The following GCM2 variants were observed in gnomAD, a reference collection of about 807,000 sequenced individuals.
The protein encoded by GCM2 is chorion-specific transcription factor GCMb.
In GCM2, 21 loss-of-function variants were observed where a neutral mutation model predicts 24.8. The observed-to-expected ratio is 0.85, with a 90% CI of 0.60 to 1.22. The LOEUF is 1.22. GCM2 is among the 50% of genes most tolerant of loss of function. The probability of loss-of-function intolerance (pLI) is 0.00; values close to 1 mark genes in which losing one functional copy is unlikely to be tolerated. For synonymous variants in GCM2, 222 were observed against 238.0 expected, an observed-to-expected ratio of 0.93 and a Z score of 0.62; for missense variants, 532 against 645.6, an observed-to-expected ratio of 0.82 and a Z score of 1.91.
chr6:10,878,855 C>G (rs1779918919), intron 1 of GCM2, among the ~76,000 whole-genome samples: 1 of 152,138 alleles, frequency 6.6e-6, no homozygotes, highest in Non-Finnish European at 1.5e-5. Flanking sequence ...TGGGTAGCAG[C>G]CAGACCCAGT....
chr6:10,873,900 G>T lies in GCM2; in HGVS notation c.*95C>A. 1 of 933,178 alleles carries T rather than the reference G, an allele frequency of 1.1e-6. No homozygotes were observed. Among genetic ancestry groups the T allele is most frequent in the Non-Finnish European group, 1.7e-6 (1 of 581,028 alleles). The allele number at this position is 933,178 out of a possible 1,614,324, so 57.8% of individuals were successfully genotyped here. On this transcript the variant is annotated 3_prime_UTR_variant, in exon 5 of 5. Transcript: ENST00000379491. ...CTATCTGTGTTTCTTTGCACACAAG[G>T]TGAATCTCCCAACTCAATAAGAGAT...
intron 1 of GCM2, among the ~76,000 whole-genome samples, chr6:10,879,899 G>C (rs1779934723): frequency 6.6e-6 from 1 of 152,180 alleles, no homozygotes; most frequent in African/African-American, 2.4e-5. Context: ...AGATGCACTT[G>C]CTGTACTGTG....
chr6:10,877,454 C>A, intron 1 of GCM2, 62 bp from the exon 2 acceptor site: 1 of 1,579,156 alleles, frequency 6.3e-7, no homozygotes, highest in South Asian at 1.1e-5. Context: ...ACATCATGCT[C>A]TAAAATTTCT....
chr6:10,879,401 T>G (rs991023497), intron 1 of GCM2, among the ~76,000 whole-genome samples: 1 of 152,152 alleles, frequency 6.6e-6, no homozygotes, highest in Non-Finnish European at 1.5e-5. Flanking sequence ...ATTGTATTTT[T>G]AAAATCAGTA....
chr6:10,875,104 A>G (rs899563677), intron 4 of GCM2, among the ~76,000 whole-genome samples, 171 bp from the exon 5 acceptor site: 2 of 152,216 alleles, frequency 1.3e-5, no homozygotes, highest in South Asian at 4.1e-4. Flanking sequence ...GGGGTTGCTA[A>G]GCTTGGGCTC....
chr6:10,881,674 C>T (rs1231005288), intron 1 of GCM2, 30 bp downstream of exon 1: 1 of 1,554,090 alleles, frequency 6.4e-7, no homozygotes, highest in Non-Finnish European at 8.9e-7. Flanking sequence ...GACAGCGCCC[C>T]GCGTGCCCGC....
chr6:10,881,236 G>A (rs1249166196), intron 1 of GCM2, among the ~76,000 whole-genome samples: 2 of 152,094 alleles, frequency 1.3e-5, no homozygotes, highest in Admixed American at 6.5e-5. Context: ...TTGGCTCACC[G>A]CAACCTCTGC....
Position 10,874,012 on chromosome 6 carries a change from T to C in GCM2, c.1504A>G (p.Asn502Asp), listed in dbSNP as rs533942394. The C allele has an allele frequency of 6.2e-7, 1 of 1,613,768 alleles. No individual in the cohort carries two copies. Among genetic ancestry groups the C allele is most frequent in the East Asian group, 2.2e-5 (1 of 44,880 alleles). Reference protein sequence around the residue: ...SDRVGPFFTYNNEDF With the variant: ...SDRVGPFFTYDNEDF ...ATTGTCTTTCAAAAATCCTCATTGT[T>C]GTAGGTAAAGAAGGGACCCACTCTG... Residue 502 changes from asparagine to aspartate, a missense_variant, in exon 5 of 5, where the codon AAC becomes GAC. Asn to Asp is a conservative substitution (Grantham distance 23). Around this residue, in one of 3 missense-constraint regions of GCM2, gnomAD observed 434 missense variants for 521.9 expected, o/e 0.83. Coordinates refer to ENST00000379491, the MANE Select transcript of GCM2 (RefSeq NM_004752.4).
At position 10,875,910 on chromosome 6, in the gene GCM2, T is replaced by A. The variant is rs1561671899; in HGVS notation, c.563A>T (p.Lys188Met). The change falls in exon 4 of 5, where the codon AAG becomes ATG. Residue 188 changes from lysine (K) to methionine (M), a missense_variant. Lys to Met is a moderately conservative substitution (Grantham distance 95). Coordinates refer to ENST00000379491, the MANE Select transcript of GCM2 (RefSeq NM_004752.4). ...QMASFYQPQKKRIRESEAEEN... is the reference protein window; with the variant it reads ...QMASFYQPQKMRIRESEAEEN... ...TGTTACCTCGGATTCTCGAATTCTC[T>A]TTTTCTGGGGTTGGTAGAAAGAGGC... 1 of 1,614,052 alleles carries A rather than the reference T, an allele frequency of 6.2e-7. No homozygotes were observed. The highest frequency in any genetic ancestry group is 8.5e-7 in the Non-Finnish European group (1 of 1,179,934).
chr6:10,875,989 G>C lies in GCM2; in HGVS notation c.484C>G (p.Pro162Ala). The change falls in exon 4 of 5, where the codon CCA (proline) becomes GCA (alanine). Residue 162 changes from proline (P) to alanine (A), a missense_variant. By Grantham distance (27) the Pro-to-Ala change is conservative. Coordinates refer to ENST00000379491, the MANE Select transcript of GCM2 (RefSeq NM_004752.4). The stretch of plus-strand genomic sequence containing the variant: ...GCTTCTGTCTCTGATTTGCTCTCTG[G>C]TCTTGGATGATCATGAACTCCCTTG... ...QAKGVHDHPR[P>A]ESKSETEARR... is the part of the protein sequence containing the mutation. The C allele has an allele frequency of 1.2e-6, 2 of 1,613,798 alleles. No homozygotes were observed. The highest frequency in any genetic ancestry group is 1.7e-6 in the Non-Finnish European group (2 of 1,179,808).
chr6:10,881,676 C>T, intron 1 of GCM2, 28 bp downstream of exon 1: 1 of 1,559,214 alleles, frequency 6.4e-7, no homozygotes, highest in Non-Finnish European at 8.8e-7. Flanking sequence ...CAGCGCCCCG[C>T]GTGCCCGCAC....
intron 1 of GCM2, among the ~76,000 whole-genome samples, chr6:10,878,735 C>T (rs1251134549): frequency 1.3e-5 from 2 of 152,200 alleles, no homozygotes; most frequent in Non-Finnish European, 2.9e-5. Flanking sequence ...ATATATAATT[C>T]TCACAACATC....
chr6:10,876,597 A>T (rs931100023), intron 2 of GCM2, 40 bp from the exon 3 acceptor site: 4 of 1,330,728 alleles, frequency 3.0e-6, no homozygotes, highest in Non-Finnish European at 4.3e-6. Flanking sequence ...CCCTGACCCC[A>T]GACCCTTCTG....
In GCM2 at chr6:10,881,685, A is replaced by C; in HGVS notation, c.90+19T>G. On this transcript the variant is annotated intron_variant, in intron 1 of 4. Transcript: ENST00000379491. The stretch of plus-strand genomic sequence containing the variant: ...GATGGACAGCGCCCCGCGTGCCCGC[A>C]CACACCCGGTTCACTTACCTGAGGC... 1.3e-6 allele frequency: 2 copies of C among 1,596,504 alleles called. No homozygotes were observed. Among genetic ancestry groups the C allele is most frequent in the Non-Finnish European group, 1.7e-6 (2 of 1,166,856 alleles).
chr6:10,880,191 G>C (rs1004534227), intron 1 of GCM2, among the ~76,000 whole-genome samples: 1 of 152,126 alleles, frequency 6.6e-6, no homozygotes, highest in Non-Finnish European at 1.5e-5. Context: ...GGGGATGGAG[G>C]TTGCAGTGAG....
Position 10,874,126 on chromosome 6 carries a change from G to T in GCM2, c.1390C>A (p.Pro464Thr). 6.2e-7 allele frequency: 1 copy of T among 1,614,238 alleles called. No individual in the cohort carries two copies. Among genetic ancestry groups the T allele is most frequent in the Non-Finnish European group, 8.5e-7 (1 of 1,180,042 alleles). Residue 464 changes from proline (P) to threonine (T), a missense_variant, in exon 5 of 5, where the codon CCC (proline) becomes ACC (threonine). Pro to Thr is a conservative substitution (Grantham distance 38, BLOSUM62 -1). This residue lies in a region of GCM2 where 434 missense variants were observed against 521.9 expected (regional missense o/e 0.83). Coordinates refer to ENST00000379491, the MANE Select transcript of GCM2 (RefSeq NM_004752.4). ...GTCCTAGAGGAAACTGGCTCGTGGG[G>T]AATAGCCACAGTGGGTCTGATGGCC... ...CRAIRPTVAI[P>T]HEPVSSRTDE... is the part of the protein sequence containing the mutation.
chr6:10,881,999 C>T lies in GCM2; in HGVS notation c.-206G>A, dbSNP rs1319791789. On this transcript the variant is annotated 5_prime_UTR_variant, in exon 1 of 5. Coordinates refer to ENST00000379491, the MANE Select transcript of GCM2 (RefSeq NM_004752.4). ...TTATGGACCCGGGCGGGGCCTTGTC[C>T]TTGGCCGCGGTGCTGAACGTTCTCC... 1 of 588,076 alleles carries T rather than the reference C, an allele frequency of 1.7e-6. No individual in the cohort carries two copies. The highest frequency in any genetic ancestry group is 3.0e-6 in the Non-Finnish European group (1 of 328,410). 36.4% of individuals were successfully genotyped at this position (588,076 alleles called of 1,614,324 possible). A position where few individuals can be genotyped will look rare whatever the true frequency, so the allele number is the denominator to read the frequency against.
chr6:10,876,381 G>A lies in GCM2; in HGVS notation c.456+64C>T, dbSNP rs1779878683. The A allele has an allele frequency of 1.7e-5, 18 of 1,071,784 alleles. 1 individual carries two copies. Among genetic ancestry groups the A allele is most frequent in the Non-Finnish European group, 2.0e-5 (14 of 686,534 alleles). 66.4% of individuals were successfully genotyped at this position (1,071,784 alleles called of 1,614,324 possible). A position where few individuals can be genotyped will look rare whatever the true frequency, so the allele number is the denominator to read the frequency against. On this transcript the variant is annotated intron_variant, in intron 3 of 4. Coordinates refer to ENST00000379491, the MANE Select transcript of GCM2 (RefSeq NM_004752.4). Reference sequence around the variant, plus strand: ...CCAGGGTTCCCAAGGCACACGACAGGTGGTTTGGCCTTTGTGGTCTGATGA... The same window carrying A: ...CCAGGGTTCCCAAGGCACACGACAGATGGTTTGGCCTTTGTGGTCTGATGA...
Position 10,873,641 on chromosome 6 carries a change from GA to G in GCM2, c.*353del. ...GAAATTCCCTAAGGTGCTCTAATGG[GA>G]AAAGTCCTAGAATAAGAACCAGAAT... On this transcript the variant is annotated 3_prime_UTR_variant, in exon 5 of 5. Transcript: ENST00000379491. The G allele has an allele frequency of 6.1e-6, 2 of 325,692 alleles. No homozygotes were observed. The highest frequency in any genetic ancestry group is 1.2e-5 in the Non-Finnish European group (2 of 169,244). The allele number at this position is 325,692 out of a possible 1,614,324, so 20.2% of individuals were successfully genotyped here.
Sources: gnomAD v4.1 joint callset for allele counts (sites outside exome capture counted in the v4.1 genomes callset) on GRCh38, gnomAD v4.1.1 for gene constraint, gnomAD v4.1.1 regional missense constraint, MANE v1.5 for transcripts, NCBI Gene and HGNC (gene_info 2026-07-23, HGNC 2026-07-21) for gene names.